The following PDZD2 variants were observed in gnomAD, a reference collection of about 807,000 sequenced individuals.
PDZD2 encodes PDZ domain containing 2.
Under a neutral mutation model 220.7 loss-of-function variants are expected in PDZD2, and 90 were observed. That is an observed-to-expected ratio of 0.41 (90% CI 0.34 to 0.49). The LOEUF (loss-of-function observed/expected upper bound fraction) is 0.49. PDZD2 is among the 20% of genes least tolerant of loss of function. The pLI is 0.28. For synonymous variants in PDZD2, 1,375 were observed against 1,450.5 expected, an observed-to-expected ratio of 0.95 and a Z score of 1.18; for missense variants, 3,174 against 3,608.5, an observed-to-expected ratio of 0.88 and a Z score of 3.08.
chr5:32,071,342 G>A lies in PDZD2; in HGVS notation c.2534-42G>A, dbSNP rs1193773559. 2.8e-6 allele frequency: 4 copies of A among 1,434,922 alleles called. No homozygotes were observed. In the South Asian group the frequency reaches 4.6e-5, roughly 16 times the overall value. The allele number at this position is 1,434,922 out of a possible 1,614,324, so 88.9% of individuals were successfully genotyped here. The stretch of plus-strand genomic sequence containing the variant: ...GGATGTGAGCCTATTTGTGACTTGA[G>A]CTTTATTGTTTTGACAATATGGTGA... On this transcript the variant is annotated intron_variant, in intron 15 of 24. Transcript: ENST00000438447.
Position 32,073,839 on chromosome 5 carries a change from G to A in PDZD2, c.2733G>A (p.Lys911=), listed in dbSNP as rs2112400639. Residue 911 remains lysine, a synonymous_variant, in exon 18 of 25, where the codon AAG becomes AAA. Coordinates refer to ENST00000438447, the MANE Select transcript of PDZD2 (RefSeq NM_178140.4). ...GSLPPSTSTH[K]EPGKPRANSL... ...TGTCCCCACCTCCACCAGCTCACAA[G>A]GAGCCTGGAAAACCCAGAGCCAACA... The A allele has an allele frequency of 1.2e-6, 2 of 1,605,816 alleles. No homozygotes were observed. Among genetic ancestry groups the A allele is most frequent in the East Asian group, 4.5e-5 (2 of 44,848 alleles).
At chr5:31,842,617 C>G (rs1466382813) in intron 2 of PDZD2, among the ~76,000 whole-genome samples, 1 of 152,182 alleles carries the variant, frequency 6.6e-6, no homozygotes, top group Non-Finnish European at 1.5e-5. Context: ...GTTCCCATAT[C>G]CTTTTCACAG....
At chr5:32,081,716 CTT>C (rs1741973186) in intron 19 of PDZD2, among the ~76,000 whole-genome samples, 1 of 152,188 alleles carries the variant, frequency 6.6e-6, no homozygotes, top group East Asian at 1.9e-4. Context: ...CAAAACATGT[CTT>C]TGTTTTGTTT....
chr5:31,773,549 C>T (rs1752461976), intron 1 of PDZD2, among the ~76,000 whole-genome samples: 1 of 151,790 alleles, frequency 6.6e-6, no homozygotes, highest in Non-Finnish European at 1.5e-5. Context: ...TACTTGGAGG[C>T]TGAGGCAGGA....
intron 2 of PDZD2, among the ~76,000 whole-genome samples, chr5:31,886,700 CTCTTTTT>C (rs1740518419): frequency 8.0e-6 from 1 of 124,264 alleles, no homozygotes; most frequent in African/African-American, 2.7e-5. Context: ...TTGTCTCTGT[CTCTTTTT>C]TTTTTTTTGA....
At position 31,639,345 on chromosome 5, in the gene PDZD2, CGCGGTGGCGGCA is replaced by C. The variant is rs1307120495; in HGVS notation, c.-450_-439del. 4 of 150,160 alleles carry C rather than the reference CGCGGTGGCGGCA, an allele frequency of 2.7e-5. No individual in the cohort carries two copies. Among genetic ancestry groups the C allele is most frequent in the African/African-American group, 9.7e-5 (4 of 41,340 alleles). 9.3% of individuals were successfully genotyped at this position (150,160 alleles called of 1,614,324 possible). ...GCGCGGCGGCGGCACCGGTGGTGGC[CGCGGTGGCGGCA>C]GCTGCGCGGGGACCCGCCGGGCGGC... On this transcript the variant is annotated 5_prime_UTR_variant, in exon 1 of 25. Coordinates refer to ENST00000438447, the MANE Select transcript of PDZD2 (RefSeq NM_178140.4). This position sits in a 1 kb window ranked among gnomAD's most constrained non-coding sequence, Gnocchi z 4.1.
chr5:31,849,921 T>TATATATATACAC (rs1757854752), intron 2 of PDZD2, among the ~76,000 whole-genome samples: 1 of 17,002 alleles, frequency 5.9e-5, no homozygotes, highest in Non-Finnish European at 9.9e-5. Context: ...TATATATACA[T>TATATATATACAC]ATATATATAT....
chr5:31,888,416 T>G (rs540933108), intron 2 of PDZD2, among the ~76,000 whole-genome samples: 65 of 152,348 alleles, frequency 4.3e-4, no homozygotes, highest in African/African-American at 1.5e-3. Flanking sequence ...GGTCTCAAAC[T>G]CCTGACCTCA....
intron 2 of PDZD2, among the ~76,000 whole-genome samples, chr5:31,864,417 TCTGA>T (rs768761218): frequency 3.3e-5 from 5 of 152,254 alleles, no homozygotes; most frequent in Non-Finnish European, 7.3e-5. Flanking sequence ...CCTGCTGGAC[TCTGA>T]CTGATAGTCT....
Position 32,088,984 on chromosome 5 carries a change from A to G in PDZD2, c.5536A>G (p.Thr1846Ala). The G allele has an allele frequency of 6.2e-7, 1 of 1,614,074 alleles. No individual in the cohort carries two copies. Among genetic ancestry groups the G allele is most frequent in the Non-Finnish European group, 8.5e-7 (1 of 1,180,018 alleles). Residue 1846 changes from threonine (T) to alanine (A), a missense_variant, in exon 20 of 25, where the codon ACT (threonine) becomes GCT (alanine). Physicochemically the swap from Thr to Ala is moderately conservative, Grantham distance 58. Coordinates refer to ENST00000438447, the MANE Select transcript of PDZD2 (RefSeq NM_178140.4). The surrounding 1 kb of genome is among the most constrained non-coding windows in gnomAD (Gnocchi z 4.6). Reference protein sequence around the residue: ...MVSSSQKKGVTVPHSPPQPKT... With the variant: ...MVSSSQKKGVAVPHSPPQPKT... ...GAGTTCAAGCCAAAAAAAGGGCGTTACTGTGCCTCATAGCCCTCCTCAGCC... is the reference window on the plus strand; with the variant it reads ...GAGTTCAAGCCAAAAAAAGGGCGTTGCTGTGCCTCATAGCCCTCCTCAGCC...
Position 32,000,642 on chromosome 5 carries a change from C to T in PDZD2, c.1254+371C>T, listed in dbSNP as rs1350490217. Among the ~76,000 whole-genome samples the T allele has an allele frequency of 6.6e-6, 1 of 152,118 alleles. No homozygotes were observed. The highest frequency in any genetic ancestry group is 1.5e-5 in the Non-Finnish European group (1 of 68,018). ...TCTCCTGCCTCAGCCTCCCAAGTAG[C>T]TAGGATTACAGCCACATGCCATCAC... On this transcript the variant is annotated intron_variant, in intron 5 of 24. Transcript: ENST00000438447. This position sits in a 1 kb window ranked among gnomAD's most constrained non-coding sequence, Gnocchi z 4.5.
chr5:32,102,146 A>T (rs1334391932), intron 24 of PDZD2, among the ~76,000 whole-genome samples: 1 of 139,624 alleles, frequency 7.2e-6, no homozygotes. Context: ...AGTTACACTT[A>T]AAAAAAAACC....
chr5:31,958,671 A>AG lies in PDZD2; in HGVS notation c.477-24483dup, dbSNP rs200344507. The stretch of plus-strand genomic sequence containing the variant: ...GATCTTGCTCTTTCACCCAGGCTGG[A>AG]GAGCAGTGGTGCAATCACAGCTCAC... On this transcript the variant is annotated intron_variant, in intron 2 of 24. Transcript: ENST00000438447. Among the ~76,000 whole-genome samples the AG allele has an allele frequency of 1.6e-3, 243 of 152,306 alleles. 3 individuals are homozygous for AG. The East Asian group carries it at 0.038, about 24-fold the overall frequency.
intron 1 of PDZD2, among the ~76,000 whole-genome samples, chr5:31,664,039 G>T (rs969123889): frequency 9.2e-5 from 14 of 152,182 alleles, no homozygotes; most frequent in Admixed American, 3.9e-4. Context: ...TTACTAGGCG[G>T]TGATGATATA....
rs756550564 is a variant in PDZD2 at position 32,108,074 on chromosome 5, T to C, written c.8459T>C (p.Met2820Thr). ...GLMHFDAWNI[M>T]KSVPEGPVQL... is the part of the protein sequence containing the mutation. ...ATGCACTTTGATGCCTGGAATATTA[T>C]GAAGTCTGTCCCAGAAGGACCTGTG... Residue 2820 changes from methionine to threonine, a missense_variant, in exon 25 of 25, where the codon ATG becomes ACG. Around this residue, in one of 4 missense-constraint regions of PDZD2, gnomAD observed 631 missense variants for 789.9 expected, o/e 0.80. Coordinates refer to ENST00000438447, the MANE Select transcript of PDZD2 (RefSeq NM_178140.4). The C allele has an allele frequency of 7.4e-5, 120 of 1,611,674 alleles. No individual in the cohort carries two copies. The highest frequency in any genetic ancestry group is 1.0e-4 in the Non-Finnish European group (118 of 1,177,778).
chr5:31,849,716 C>T (rs903275985), intron 2 of PDZD2, among the ~76,000 whole-genome samples: 16 of 150,926 alleles, frequency 1.1e-4, no homozygotes, highest in African/African-American at 2.7e-4. Flanking sequence ...TGGTGGCGTG[C>T]GCCTGTAATC....
In PDZD2 at chr5:32,098,724, T is replaced by A; in HGVS notation, c.8218+90T>A. On this transcript the variant is annotated intron_variant, in intron 23 of 24. Coordinates refer to ENST00000438447, the MANE Select transcript of PDZD2 (RefSeq NM_178140.4). The surrounding 1 kb of genome is among the most constrained non-coding windows in gnomAD (Gnocchi z 4.1). ...AACATGAAGGAAAATAACAGCTAAC[T>A]AACTTCTAGATCTGAAAAATTAAAT... 1 of 1,174,138 alleles carries A rather than the reference T, an allele frequency of 8.5e-7. No individual in the cohort carries two copies. Among genetic ancestry groups the A allele is most frequent in the Non-Finnish European group, 1.2e-6 (1 of 838,362 alleles). 72.7% of individuals were successfully genotyped at this position (1,174,138 alleles called of 1,614,324 possible).
chr5:31,687,813 T>G (rs919032651), intron 1 of PDZD2, among the ~76,000 whole-genome samples: 25 of 152,194 alleles, frequency 1.6e-4, no homozygotes, highest in African/African-American at 5.6e-4. Context: ...TCTCTTCCTC[T>G]TCCTATGAGG....
intron 2 of PDZD2, among the ~76,000 whole-genome samples, chr5:31,949,864 A>G (rs912300191): frequency 4.1e-5 from 6 of 145,190 alleles, no homozygotes; most frequent in African/African-American, 7.7e-5. Flanking sequence ...TTTAATTTTT[A>G]GTAGAGATGG....
Sources: allele counts gnomAD v4.1 joint callset (sites outside exome capture counted in the v4.1 genomes callset), GRCh38; gene constraint gnomAD v4.1.1; regional missense constraint gnomAD v4.1.1; non-coding constraint Gnocchi (gnomAD v3.1); transcripts MANE v1.5; gene names NCBI Gene and HGNC (gene_info 2026-07-23, HGNC 2026-07-21).